KCNH3: variants seen among roughly 807,000 people sequenced by gnomAD.
KCNH3 encodes potassium voltage-gated channel subfamily H member 3, also known as voltage-gated inwardly rectifying potassium channel KCNH3.
KCNH3 carries 36 observed loss-of-function variants against 95.6 expected under a neutral mutation model. That is an observed-to-expected ratio of 0.38 (90% CI 0.29 to 0.50). The LOEUF is 0.50. KCNH3 is among the 20% of genes least tolerant of loss of function. The probability of loss-of-function intolerance (pLI) is 0.95; values close to 1 mark genes in which losing one functional copy is unlikely to be tolerated. For missense variants in KCNH3, 1,030 were observed against 1,484.1 expected, an observed-to-expected ratio of 0.69 and a Z score of 5.03; for synonymous variants, 620 against 646.3, an observed-to-expected ratio of 0.96 and a Z score of 0.62.
At chr12:49,551,195 G>A (rs1938245060) in intron 10 of KCNH3, among the ~76,000 whole-genome samples, 2 of 152,224 alleles carry the variant, frequency 1.3e-5, no homozygotes, top group South Asian at 2.1e-4. Context: ...GGAAGCCATC[G>A]TTAGGAGGGT....
chr12:49,541,688 G>A lies in KCNH3; in HGVS notation c.369G>A (p.Val123=). The A allele has an allele frequency of 6.2e-7, 1 of 1,614,220 alleles. No individual in the cohort carries two copies. The highest frequency in any genetic ancestry group is 8.5e-7 in the Non-Finnish European group (1 of 1,180,034). Residue 123 remains valine, a synonymous_variant, in exon 3 of 15, where the codon GTG becomes GTA. Transcript: ENST00000257981. ...CCATAAAGAATGAGAAAGGGGAGGT[G>A]GCTCTCTTCCTAGTCTCTCACAAGG... ...VIPIKNEKGE[V]ALFLVSHKDI...
intron 6 of KCNH3, 30 bp from the exon 7 acceptor site, chr12:49,544,145 T>TACCCC: frequency 3.7e-6 from 3 of 818,348 alleles, no homozygotes; most frequent in Non-Finnish European, 5.9e-6. Context: ...CTGACCTCCC[T>TACCCC]CCCTCCCTCC....
At position 49,539,508 on chromosome 12, in the gene KCNH3, G is replaced by T. The variant is rs748930338; in HGVS notation, c.76+16G>T. 1 of 1,585,304 alleles carries T rather than the reference G, an allele frequency of 6.3e-7. No individual in the cohort carries two copies. Among genetic ancestry groups the T allele is most frequent in the Admixed American group, 1.8e-5 (1 of 56,526 alleles). On this transcript the variant is annotated intron_variant, in intron 1 of 14. Coordinates refer to ENST00000257981, the MANE Select transcript of KCNH3 (RefSeq NM_012284.3). This position sits in a 1 kb window ranked among gnomAD's most constrained non-coding sequence, Gnocchi z 6.7. ...GACGGCACGCGTGAGTCCGACCCTC[G>T]CCCACTTGCACCCGGGCCGCCGGAC...
rs1565778920 is a variant in KCNH3, at chr12:49,549,569, C to G, written c.1597C>G (p.Pro533Ala). The change falls in exon 9 of 15, where the codon CCC (proline) becomes GCC (alanine). Residue 533 changes from proline to alanine, a missense_variant. Pro to Ala is a conservative substitution (Grantham distance 27). Coordinates refer to ENST00000257981, the MANE Select transcript of KCNH3 (RefSeq NM_012284.3). ...DYIRIHRIPK[P>A]LKQRMLEYFQ... ...CATCCGCATCCACCGTATCCCCAAG[C>G]CCCTCAAGCAGCGCATGCTGGAGTA... 1.2e-6 allele frequency: 2 copies of G among 1,613,410 alleles called. No individual in the cohort carries two copies. The highest frequency in any genetic ancestry group is 1.7e-6 in the Non-Finnish European group (2 of 1,180,040).
At position 49,539,631 on chromosome 12, in the gene KCNH3, G is replaced by T; in HGVS notation, c.76+139G>T. 1 of 712,960 alleles carries T rather than the reference G, an allele frequency of 1.4e-6. No homozygotes were observed. Among genetic ancestry groups the T allele is most frequent in the Non-Finnish European group, 2.2e-6 (1 of 445,048 alleles). The allele number at this position is 712,960 out of a possible 1,614,324, so 44.2% of individuals were successfully genotyped here. A position where few individuals can be genotyped will look rare whatever the true frequency, so the allele number is the denominator to read the frequency against. On this transcript the variant is annotated intron_variant, in intron 1 of 14. Transcript: ENST00000257981. The surrounding 1 kb of genome is among the most constrained non-coding windows in gnomAD (Gnocchi z 6.7). ...TCCCTACCCGCCCCTCTTGAGGCTG[G>T]GGCCATCGTCTCCTGCTAGGCGCTG...
At chr12:49,557,076 C>T in intron 13 of KCNH3, 107 bp from the exon 14 acceptor site, 2 of 1,063,690 alleles carry the variant, frequency 1.9e-6, no homozygotes, top group Non-Finnish European at 2.9e-6. Flanking sequence ...TCCTAGGAGT[C>T]AGGTCCTACC....
At chr12:49,549,345 T>C (rs1480135266) in intron 8 of KCNH3, 96 bp from the exon 9 acceptor site, 11 of 1,505,698 alleles carry the variant, frequency 7.3e-6, no homozygotes, top group East Asian at 2.3e-5. Flanking sequence ...CTTCAGGCCT[T>C]GCCTAGGAGC....
chr12:49,549,739 TG>T (rs1395297155), intron 9 of KCNH3, 99 bp downstream of exon 9: 1 of 1,208,352 alleles, frequency 8.3e-7, no homozygotes, highest in African/African-American at 1.5e-5. Context: ...TGCAGAATTT[TG>T]GCCCCTGTGC....
At chr12:49,546,936 C>T (rs1326471973) in intron 7 of KCNH3, among the ~76,000 whole-genome samples, 1 of 152,168 alleles carries the variant, frequency 6.6e-6, no homozygotes, top group Non-Finnish European at 1.5e-5. Context: ...ACTCTGTCAC[C>T]CAGGCTGGAG....
At position 49,544,220 on chromosome 12, in the gene KCNH3, C is replaced by G. The variant is rs966679628; in HGVS notation, c.1027C>G (p.Leu343Val). Residue 343 changes from leucine to valine, a missense_variant, in exon 7 of 15, where the codon CTG (leucine) becomes GTG (valine). Leu to Val is a conservative substitution (Grantham distance 32). Coordinates refer to ENST00000257981, the MANE Select transcript of KCNH3 (RefSeq NM_012284.3). ...LLKTVRLLRL[L>V]RLLPRLDRYS... is the part of the protein sequence containing the mutation. ...GAAGACGGTGCGCCTGCTGCGCCTG[C>G]TGCGCCTGCTTCCGCGGCTGGACCG... 1 of 1,592,812 alleles carries G rather than the reference C, an allele frequency of 6.3e-7. No homozygotes were observed. Among genetic ancestry groups the G allele is most frequent in the African/African-American group, 1.3e-5 (1 of 74,584 alleles).
At chr12:49,556,952 T>C (rs1938479563) in intron 13 of KCNH3, among the ~76,000 whole-genome samples, 3 of 151,914 alleles carry the variant, frequency 2.0e-5, no homozygotes, top group Admixed American at 6.6e-5. Context: ...AGAACAACTT[T>C]TTGAGGGGAA....
At position 49,549,060 on chromosome 12, in the gene KCNH3, A is replaced by G; in HGVS notation, c.1355A>G (p.Tyr452Cys). The G allele has an allele frequency of 6.2e-7, 1 of 1,612,470 alleles. No individual in the cohort carries two copies. Among genetic ancestry groups the G allele is most frequent in the Non-Finnish European group, 8.5e-7 (1 of 1,179,774 alleles). ...GGCGGCCCGTCGCTGCGCAGCGCCT[A>G]CATCACCTCCCTCTACTTCGCACTC... ...LLGGPSLRSAYITSLYFALSS... is the reference protein window; with the variant it reads ...LLGGPSLRSACITSLYFALSS... The change falls in exon 8 of 15, where the codon TAC (tyrosine) becomes TGC (cysteine). Residue 452 changes from tyrosine to cysteine, a missense_variant. Physicochemically the swap from Tyr to Cys is radical, Grantham distance 194. Coordinates refer to ENST00000257981, the MANE Select transcript of KCNH3 (RefSeq NM_012284.3).
chr12:49,546,148 T>A (rs1045499291), intron 7 of KCNH3: 1 of 152,130 alleles, frequency 6.6e-6, no homozygotes, highest in Non-Finnish European at 1.5e-5. Flanking sequence ...GGGTTGCTGA[T>A]CTGACATTAA....
chr12:49,540,799 T>C, intron 1 of KCNH3, 100 bp from the exon 2 acceptor site: 1 of 926,072 alleles, frequency 1.1e-6, no homozygotes, highest in Non-Finnish European at 1.7e-6. Flanking sequence ...TCCTGGGGTT[T>C]GGAAAACCCA....
In KCNH3 at chr12:49,544,304, G is replaced by A. The variant is rs1380448573; in HGVS notation, c.1111G>A (p.Ala371Thr). 3 of 1,613,046 alleles carry A rather than the reference G, an allele frequency of 1.9e-6. No homozygotes were observed. The highest frequency in any genetic ancestry group is 2.2e-5 in the East Asian group (1 of 44,878). The change falls in exon 7 of 15, where the codon GCG (alanine) becomes ACG (threonine). Residue 371 changes from alanine (A) to threonine (T), a missense_variant. Around this residue, in one of 9 missense-constraint regions of KCNH3, gnomAD observed 153 missense variants for 288.5 expected, o/e 0.53. Coordinates refer to ENST00000257981, the MANE Select transcript of KCNH3 (RefSeq NM_012284.3). ...GCTCATGGCCGTGTTCGCCCTGCTC[G>A]CGCACTGGGTCGCCTGCGTCTGGTT... Reference protein sequence around the residue: ...TLLMAVFALLAHWVACVWFYI... With the variant: ...TLLMAVFALLTHWVACVWFYI...
chr12:49,543,665 T>C, intron 5 of KCNH3, 147 bp downstream of exon 5: 1 of 1,193,496 alleles, frequency 8.4e-7, no homozygotes, highest in Non-Finnish European at 1.1e-6. Flanking sequence ...AGACCTAGGT[T>C]CCAAACATCT....
Position 49,557,470 on chromosome 12 carries a change from A to G in KCNH3, c.2769A>G (p.Gly923=), listed in dbSNP as rs548016067. Residue 923 remains glycine, a synonymous_variant, in exon 15 of 15, where the codon GGA becomes GGG. Coordinates refer to ENST00000257981, the MANE Select transcript of KCNH3 (RefSeq NM_012284.3). ...AGGGTCCGTGCCCTCGGGCATCGGG[A>G]GAGGGGCCGTGCCCAGCCAGCACCT... ...HREGPCPRAS[G]EGPCPASTSG... is the part of the protein sequence containing the mutation. The G allele has an allele frequency of 1.2e-6, 2 of 1,611,248 alleles. No individual in the cohort carries two copies. The highest frequency in any genetic ancestry group is 1.7e-5 in the Admixed American group (1 of 59,874).
intron 7 of KCNH3, among the ~76,000 whole-genome samples, chr12:49,545,192 T>C (rs1167490265): frequency 3.3e-5 from 5 of 152,070 alleles, no homozygotes; most frequent in African/African-American, 9.7e-5. Flanking sequence ...GCTCTCCCCC[T>C]TCACCTTGCT....
chr12:49,544,145 T>TGCCCG, intron 6 of KCNH3, 30 bp from the exon 7 acceptor site: 1 of 818,374 alleles, frequency 1.2e-6, no homozygotes, highest in Non-Finnish European at 2.0e-6. Flanking sequence ...CTGACCTCCC[T>TGCCCG]CCCTCCCTCC....
Sources: gnomAD v4.1 joint callset for allele counts (sites outside exome capture counted in the v4.1 genomes callset) on GRCh38, gnomAD v4.1.1 for gene constraint, gnomAD v4.1.1 regional missense constraint, Gnocchi (gnomAD v3.1) non-coding constraint, MANE v1.5 for transcripts, NCBI Gene and HGNC (gene_info 2026-07-23, HGNC 2026-07-21) for gene names.